SNX8: variants seen among roughly 807,000 people sequenced by gnomAD.
SNX8 encodes the protein sorting nexin 8.
Under a neutral mutation model 51.6 loss-of-function variants are expected in SNX8, and 25 were observed. The ratio of observed to expected loss-of-function variants is 0.48; its 90% CI spans 0.35 to 0.68. The LOEUF (loss-of-function observed/expected upper bound fraction) is 0.68. Among genes scored for constraint, SNX8 ranks in the 30% least tolerant of loss-of-function variants. SNX8 has a pLI of 0.00. For synonymous variants in SNX8, 324 were observed against 277.0 expected (o/e 1.17, Z -1.68); for missense variants, 695 against 624.0 (o/e 1.11, Z -1.21).
chr7:2,346,641 G>A (rs1779033150), intron 1 of SNX8, among the ~76,000 whole-genome samples: 1 of 148,948 alleles, frequency 6.7e-6, no homozygotes, highest in African/African-American at 2.5e-5. Flanking sequence ...AGCTACTTGG[G>A]AGGCTGAGGC....
intron 7 of SNX8, 87 bp downstream of exon 7, chr7:2,263,143 T>G (rs1795376569): frequency 3.4e-6 from 5 of 1,463,172 alleles, no homozygotes; most frequent in African/African-American, 1.4e-5. Flanking sequence ...AAACGAACTG[T>G]GACGCCCATC....
upstream of SNX8, among the ~76,000 whole-genome samples, chr7:2,317,070 T>C (rs1796768746): frequency 1.3e-5 from 2 of 151,780 alleles, no homozygotes; most frequent in Non-Finnish European, 2.9e-5. Flanking sequence ...GATCCCTGGA[T>C]GGGTGGTACC....
intron 1 of SNX8, among the ~76,000 whole-genome samples, chr7:2,322,551 T>C (rs2398665): frequency 0.81 from 123,269 of 151,698 alleles, 50,163 homozygotes; most frequent in Non-Finnish European, 0.84. Context: ...AAAATTAACT[T>C]GGTGTGGTGG....
intron 1 of SNX8, among the ~76,000 whole-genome samples, chr7:2,353,386 T>C (rs966673150): frequency 2.6e-5 from 4 of 151,606 alleles, no homozygotes; most frequent in African/African-American, 9.8e-5. Flanking sequence ...ACCCTATCTC[T>C]GAAAACAAAC....
chr7:2,309,178 A>T (rs1256787889), intron 1 of SNX8, among the ~76,000 whole-genome samples: 1 of 151,898 alleles, frequency 6.6e-6, no homozygotes, highest in African/African-American at 2.4e-5. Flanking sequence ...TCCTGCCTTA[A>T]CCTCCCAAAG....
chr7:2,353,443 T>C (rs558409844), intron 1 of SNX8, among the ~76,000 whole-genome samples: 1 of 152,296 alleles, frequency 6.6e-6, no homozygotes, highest in South Asian at 2.1e-4. Context: ...TTTACCTTTT[T>C]GGCATTTTAT....
intron 1 of SNX8, among the ~76,000 whole-genome samples, chr7:2,280,234 G>GA (rs1361382708): frequency 1.3e-5 from 2 of 152,050 alleles, no homozygotes; most frequent in African/African-American, 4.8e-5. Context: ...AGCTTGCAAA[G>GA]AAAAAACCAA....
intron 7 of SNX8, among the ~76,000 whole-genome samples, 173 bp downstream of exon 7, chr7:2,263,057 T>C (rs144802455): frequency 0.033 from 5,075 of 152,358 alleles, 268 homozygotes; most frequent in African/African-American, 0.12. Flanking sequence ...AGGCAGAGGT[T>C]GCAGCGAGCC....
chr7:2,271,862 G>A lies in SNX8; in HGVS notation c.528C>T (p.Ser176=), dbSNP rs1005321914. ...CAGACACACTCACCGAGCCGCTGAA[G>A]GACAGGAAGAGCTTGAGGACCACAT... is the stretch of plus-strand genomic sequence containing the variant. ...SEDVVLKLFL[S]FSGSDVQNKL... Residue 176 remains serine (S), a synonymous_variant, in exon 4 of 11, where the codon TCC becomes TCT. Transcript: ENST00000222990. 1.2e-6 allele frequency: 2 copies of A among 1,610,400 alleles called. No individual in the cohort carries two copies. The highest frequency in any genetic ancestry group is 1.3e-5 in the African/African-American group (1 of 74,910).
At chr7:2,347,327 A>T (rs1779050388) in intron 1 of SNX8, among the ~76,000 whole-genome samples, 1 of 151,754 alleles carries the variant, frequency 6.6e-6, no homozygotes, top group Non-Finnish European at 1.5e-5. Flanking sequence ...ATAAAAATAC[A>T]AAAATTAGTC....
intron 1 of SNX8, among the ~76,000 whole-genome samples, chr7:2,300,035 T>C (rs1410665989): frequency 2.0e-5 from 3 of 152,060 alleles, no homozygotes; most frequent in Non-Finnish European, 4.4e-5. Context: ...AACCAGAAAA[T>C]GTAACGCCTC....
chr7:2,257,049 C>T, intron 9 of SNX8, 26 bp from the exon 10 acceptor site: 1 of 1,580,490 alleles, frequency 6.3e-7, no homozygotes, highest in Non-Finnish European at 8.6e-7. Flanking sequence ...CCGCCTTTCG[C>T]ACCCGGCCCA....
At chr7:2,329,267 T>C (rs1306253539) in intron 1 of SNX8, among the ~76,000 whole-genome samples, 1 of 148,636 alleles carries the variant, frequency 6.7e-6, no homozygotes, top group Non-Finnish European at 1.5e-5. Context: ...AGAGTCCATC[T>C]CAAAAAAATA....
chr7:2,346,110 T>C (rs560587964), intron 1 of SNX8, among the ~76,000 whole-genome samples: 4 of 152,246 alleles, frequency 2.6e-5, no homozygotes, highest in African/African-American at 7.2e-5. Flanking sequence ...CCCAGCCTAT[T>C]TCTTATAATA....
At chr7:2,310,637 G>C (rs1796640881) in intron 1 of SNX8, among the ~76,000 whole-genome samples, 1 of 152,110 alleles carries the variant, frequency 6.6e-6, no homozygotes, top group South Asian at 2.1e-4. Flanking sequence ...TGTGGTGGCA[G>C]GCACCTGTAG....
chr7:2,347,494 A>AAAAAAG (rs1562465796), intron 1 of SNX8, among the ~76,000 whole-genome samples: 4 of 116,400 alleles, frequency 3.4e-5, no homozygotes, highest in African/African-American at 2.9e-5. Context: ...AAAAAAAAAA[A>AAAAAAG]AAAAAGAAAA....
At chr7:2,320,815 G>GT (rs1778488587) in intron 1 of SNX8, among the ~76,000 whole-genome samples, 1 of 152,160 alleles carries the variant, frequency 6.6e-6, no homozygotes, top group African/African-American at 2.4e-5. Flanking sequence ...GAGGTCAGGA[G>GT]TTTGAGACCA....
intron 1 of SNX8, among the ~76,000 whole-genome samples, chr7:2,339,496 T>G (rs1778885474): frequency 6.6e-6 from 1 of 152,058 alleles, no homozygotes; most frequent in African/African-American, 2.4e-5. Context: ...TTATAAAACT[T>G]TATTAAAAGA....
intron 1 of SNX8, among the ~76,000 whole-genome samples, chr7:2,281,244 A>G (rs1795899424): frequency 6.6e-6 from 1 of 151,982 alleles, no homozygotes; most frequent in African/African-American, 2.4e-5. Context: ...GGGCAACATA[A>G]TAAGATGCCA....
Sources: gnomAD v4.1 joint callset for allele counts (sites outside exome capture counted in the v4.1 genomes callset) on GRCh38, gnomAD v4.1.1 for gene constraint, MANE v1.5 for transcripts, NCBI Gene and HGNC (gene_info 2026-07-23, HGNC 2026-07-21) for gene names.